The following DPP10 variants were observed in gnomAD, a reference collection of about 807,000 sequenced individuals.
The protein encoded by DPP10 is inactive dipeptidyl peptidase 10.
Under a neutral mutation model 120.9 loss-of-function variants are expected in DPP10, and 33 were observed. The ratio of observed to expected loss-of-function variants is 0.27; its 90% CI spans 0.21 to 0.37. The LOEUF (loss-of-function observed/expected upper bound fraction) is 0.37, where lower values mean the gene tolerates loss of function less well. Among genes scored for constraint, DPP10 ranks in the 10% least tolerant of loss-of-function variants. The probability of loss-of-function intolerance (pLI) is 1.00; values close to 1 mark genes in which losing one functional copy is unlikely to be tolerated. For synonymous variants in DPP10, 337 were observed against 326.1 expected, an observed-to-expected ratio of 1.03 and a Z score of -0.36; for missense variants, 816 against 942.8, an observed-to-expected ratio of 0.87 and a Z score of 1.76.
intron 1 of DPP10, among the ~76,000 whole-genome samples, chr2:114,534,148 G>C (rs954612048): frequency 1.3e-5 from 2 of 152,102 alleles, no homozygotes; most frequent in African/African-American, 4.8e-5. Flanking sequence ...CATTCAAAAT[G>C]ATGGGAATAT....
At chr2:114,486,643 G>C (rs2104706559) in intron 1 of DPP10, among the ~76,000 whole-genome samples, 1 of 152,124 alleles carries the variant, frequency 6.6e-6, no homozygotes, top group Non-Finnish European at 1.5e-5. Context: ...ATAAATTATA[G>C]GTCAAAGGAC....
chr2:114,571,520 C>A (rs186983230), intron 1 of DPP10, among the ~76,000 whole-genome samples: 2 of 152,192 alleles, frequency 1.3e-5, no homozygotes, highest in Admixed American at 1.3e-4. Flanking sequence ...AGACTAATAC[C>A]TTTAACATAC....
At chr2:115,661,452 T>C (rs748990298) in intron 5 of DPP10, among the ~76,000 whole-genome samples, 8 of 152,234 alleles carry the variant, frequency 5.3e-5, no homozygotes, top group Admixed American at 6.5e-5. Context: ...GCAGTGCTTC[T>C]AAGTTTTGTT....
chr2:114,699,278 C>A (rs908793676), intron 1 of DPP10, among the ~76,000 whole-genome samples: 1 of 150,242 alleles, frequency 6.7e-6, no homozygotes. Flanking sequence ...TGCATGCAAT[C>A]ATATATACAT....
intron 5 of DPP10, among the ~76,000 whole-genome samples, chr2:115,660,348 C>T (rs2088817057): frequency 2.0e-5 from 3 of 152,082 alleles, no homozygotes; most frequent in Admixed American, 2.0e-4. Context: ...ATGACCATTC[C>T]TACAGTCATT....
intron 5 of DPP10, among the ~76,000 whole-genome samples, chr2:115,660,978 A>AT (rs2149407962): frequency 3.2e-5 from 1 of 31,592 alleles, no homozygotes; most frequent in African/African-American, 3.9e-5. Context: ...CCCTAATTTT[A>AT]TTTCTCTGTC....
intron 1 of DPP10, among the ~76,000 whole-genome samples, chr2:114,928,536 G>A (rs577808902): frequency 5.9e-5 from 9 of 152,258 alleles, no homozygotes; most frequent in African/African-American, 2.2e-4. Flanking sequence ...TTTGCTGGGT[G>A]CAATCCCCCT....
At chr2:115,295,776 T>G (rs1241605562) in intron 1 of DPP10, among the ~76,000 whole-genome samples, 1 of 152,086 alleles carries the variant, frequency 6.6e-6, no homozygotes, top group East Asian at 1.9e-4. Flanking sequence ...TGATATTAGA[T>G]TTCTGTATGT....
intron 3 of DPP10, among the ~76,000 whole-genome samples, chr2:115,397,906 T>C (rs2067795157): frequency 6.6e-6 from 1 of 152,214 alleles, no homozygotes; most frequent in African/African-American, 2.4e-5. Flanking sequence ...TCTGTCCACA[T>C]AACCTCTGTT....
At chr2:115,081,312 AT>A (rs1482301745) in intron 1 of DPP10, among the ~76,000 whole-genome samples, 1 of 152,192 alleles carries the variant, frequency 6.6e-6, no homozygotes, top group Admixed American at 6.5e-5. Flanking sequence ...TGTATAGTCC[AT>A]CATGGGTCTT....
At chr2:115,499,959 T>G (rs1222346063) in intron 4 of DPP10, among the ~76,000 whole-genome samples, 1 of 152,066 alleles carries the variant, frequency 6.6e-6, no homozygotes, top group Non-Finnish European at 1.5e-5. Context: ...TCTTTTCTTC[T>G]TTACTTTTCA....
rs570230100 is a variant in DPP10, at chr2:115,346,118, G to T, written c.271+2206G>T. 1.6e-3 allele frequency among the ~76,000 whole-genome samples: 250 copies of T among 152,206 alleles called. 2 individuals carry two copies. The highest frequency in any genetic ancestry group is 5.9e-3 in the African/African-American group (243 of 41,528). ...TTTTTAAGTATAGAAATGGATTTGT[G>T]CTTTTATCCAACCCAGATCTTTCTG... On this transcript the variant is annotated intron_variant, in intron 3 of 25. Coordinates refer to ENST00000410059, the MANE Select transcript of DPP10 (RefSeq NM_020868.6).
intron 1 of DPP10, among the ~76,000 whole-genome samples, chr2:114,851,582 C>G (rs1396537317): frequency 1.3e-5 from 2 of 152,178 alleles, no homozygotes; most frequent in African/African-American, 4.8e-5. Flanking sequence ...ACTTAAGATT[C>G]TCAGTTTATT....
chr2:115,208,571 T>C (rs2056310443), intron 1 of DPP10, among the ~76,000 whole-genome samples: 1 of 152,186 alleles, frequency 6.6e-6, no homozygotes, highest in Non-Finnish European at 1.5e-5. Flanking sequence ...AAATCTGCTT[T>C]TTATTATTTA....
chr2:115,570,826 A>G (rs575329583), intron 5 of DPP10, among the ~76,000 whole-genome samples: 1 of 152,384 alleles, frequency 6.6e-6, no homozygotes, highest in South Asian at 2.1e-4. Context: ...GTAACTATAA[A>G]TATAATAATA....
chr2:115,794,987 G>A (rs1394009773), intron 19 of DPP10, among the ~76,000 whole-genome samples: 3 of 152,028 alleles, frequency 2.0e-5, no homozygotes, highest in African/African-American at 7.2e-5. Context: ...TAGTTATTTG[G>A]GTTTGTTCAG....
chr2:114,620,846 T>C (rs1425443288), intron 1 of DPP10, among the ~76,000 whole-genome samples: 1 of 152,124 alleles, frequency 6.6e-6, no homozygotes, highest in Non-Finnish European at 1.5e-5. Flanking sequence ...TTTCTTATCC[T>C]AAGATATCTG....
chr2:114,522,829 C>A (rs1685185345), intron 1 of DPP10, among the ~76,000 whole-genome samples: 1 of 152,074 alleles, frequency 6.6e-6, no homozygotes, highest in South Asian at 2.1e-4. Context: ...TGGCAGCAGG[C>A]AAAGAGAGAG....
intron 10 of DPP10, among the ~76,000 whole-genome samples, chr2:115,752,698 C>T (rs930449862): frequency 6.6e-6 from 1 of 151,982 alleles, no homozygotes; most frequent in Non-Finnish European, 1.5e-5. Context: ...AATTATTAAG[C>T]CAGGAATAAT....
Sources: allele counts gnomAD v4.1 joint callset (sites outside exome capture counted in the v4.1 genomes callset), GRCh38; gene constraint gnomAD v4.1.1; transcripts MANE v1.5; gene names NCBI Gene and HGNC (gene_info 2026-07-23, HGNC 2026-07-21).